The following JAK1 variants were observed in gnomAD, a reference collection of about 807,000 sequenced individuals.
JAK1 encodes the protein tyrosine-protein kinase JAK1.
A neutral mutation model predicts 136.6 loss-of-function variants in JAK1; 16 were observed. The observed-to-expected ratio is 0.12, with a 90% CI of 0.08 to 0.18. JAK1 has a LOEUF of 0.18. JAK1 is among the 10% of genes least tolerant of loss of function. The pLI, the probability that JAK1 is intolerant of heterozygous loss-of-function variation, is 1.00. For synonymous variants in JAK1, 492 were observed against 519.5 expected (o/e 0.95, Z 0.72); for missense variants, 859 against 1,450.1 (o/e 0.59, Z 6.62).
At chr1:65,012,464 T>A (rs1022610339) in intron 2 of JAK1, among the ~76,000 whole-genome samples, 15 of 152,116 alleles carry the variant, frequency 9.9e-5, no homozygotes, top group Non-Finnish European at 2.2e-4. Flanking sequence ...AATATTAAAA[T>A]AATTATTAGA....
chr1:64,979,013 C>T (rs185491176), intron 2 of JAK1, among the ~76,000 whole-genome samples: 15 of 152,200 alleles, frequency 9.9e-5, no homozygotes, highest in African/African-American at 2.2e-4. Context: ...TTATTGGCCA[C>T]GAAATCATGT....
intron 1 of JAK1, among the ~76,000 whole-genome samples, chr1:64,959,148 T>C (rs576571330): frequency 1.3e-5 from 2 of 152,316 alleles, no homozygotes; most frequent in African/African-American, 4.8e-5. Flanking sequence ...ATGACATCAA[T>C]AGCGCTTTTC....
intron 2 of JAK1, among the ~76,000 whole-genome samples, chr1:65,018,742 G>A (rs980553606): frequency 9.9e-5 from 15 of 152,190 alleles, no homozygotes; most frequent in African/African-American, 3.6e-4. Context: ...CGGGCCCGGC[G>A]GCTCACGCCT....
chr1:64,913,713 G>GAAGGAAGGAAGGAAAGA (rs1557686935), intron 1 of JAK1, among the ~76,000 whole-genome samples: 3 of 27,660 alleles, frequency 1.1e-4, no homozygotes, highest in African/African-American at 3.1e-4. Context: ...AGAAGGGAGG[G>GAAGGAAGGAAGGAAAGA]AGGGAGGGAG....
intron 1 of JAK1, among the ~76,000 whole-genome samples, chr1:64,945,294 T>C (rs997536970): frequency 1.3e-5 from 2 of 152,066 alleles, no homozygotes; most frequent in Admixed American, 6.5e-5. Flanking sequence ...TGGGGAGCAA[T>C]TGAGAATATT....
intron 1 of JAK1, among the ~76,000 whole-genome samples, chr1:64,950,912 T>C (rs2100574149): frequency 6.6e-6 from 1 of 152,364 alleles, no homozygotes; most frequent in African/African-American, 2.4e-5. Flanking sequence ...TTAAACACTC[T>C]GATTCCTTTA....
intron 2 of JAK1, among the ~76,000 whole-genome samples, chr1:65,034,508 T>C (rs1239159862): frequency 6.6e-6 from 1 of 152,212 alleles, no homozygotes; most frequent in Non-Finnish European, 1.5e-5. Context: ...ATTAATTTAA[T>C]GGAAAGATTT....
At chr1:65,051,265 G>A (rs512794) in intron 1 of JAK1, among the ~76,000 whole-genome samples, 2 of 151,456 alleles carry the variant, frequency 1.3e-5, no homozygotes, top group African/African-American at 4.9e-5. Context: ...TATTACACTA[G>A]ACTTTTAAAA....
rs888128968 is a variant in JAK1, at chr1:64,933,482, A to T, written c.-78+32851T>A. Reference sequence around the variant, plus strand: ...CTGAGGGACTTGCACAACACTGCCAAAAAGCAGGATTCCAAAAGGCCTTTC... The same window carrying T: ...CTGAGGGACTTGCACAACACTGCCATAAAGCAGGATTCCAAAAGGCCTTTC... On this transcript the variant is annotated intron_variant, in intron 1 of 24. Transcript: ENST00000342505. 3.3e-5 allele frequency among the ~76,000 whole-genome samples: 5 copies of T among 152,212 alleles called. No homozygotes were observed. In the South Asian group the frequency reaches 1.0e-3, roughly 32 times the overall value.
chr1:64,895,655 G>A (rs565740129), intron 1 of JAK1, among the ~76,000 whole-genome samples: 2 of 152,160 alleles, frequency 1.3e-5, no homozygotes, highest in African/African-American at 2.4e-5. Flanking sequence ...CATATGCACA[G>A]TCTTCATTTC....
chr1:64,880,330 T>C (rs1169826235), intron 3 of JAK1, among the ~76,000 whole-genome samples: 2 of 152,230 alleles, frequency 1.3e-5, no homozygotes, highest in Admixed American at 1.3e-4. Flanking sequence ...CTTGGGAACA[T>C]AGGCAAATGG....
At chr1:64,873,330 T>A in intron 5 of JAK1, 40 bp downstream of exon 5, 1 of 1,612,368 alleles carries the variant, frequency 6.2e-7, no homozygotes. Context: ...GCCTCTCCCA[T>A]CCCACAAACT....
At chr1:65,041,252 G>C (rs1241455423) in intron 2 of JAK1, among the ~76,000 whole-genome samples, 2 of 152,182 alleles carry the variant, frequency 1.3e-5, no homozygotes, top group African/African-American at 2.4e-5. Flanking sequence ...AGTGTTGAAG[G>C]GGGAAGGGCT....
intron 1 of JAK1, among the ~76,000 whole-genome samples, chr1:64,899,620 C>T (rs763588679): frequency 6.6e-6 from 1 of 152,134 alleles, no homozygotes; most frequent in Non-Finnish European, 1.5e-5. Flanking sequence ...GAAGGAAATG[C>T]TCATTGGAGG....
chr1:64,872,999 C>A (rs555279776), intron 5 of JAK1, among the ~76,000 whole-genome samples: 1 of 152,202 alleles, frequency 6.6e-6, no homozygotes, highest in South Asian at 2.1e-4. Context: ...GACATTACTA[C>A]GGCTGCTGAG....
At chr1:65,033,128 GCCCCC>G (rs1000316274) in intron 2 of JAK1, among the ~76,000 whole-genome samples, 5 of 152,012 alleles carry the variant, frequency 3.3e-5, no homozygotes, top group Non-Finnish European at 7.4e-5. Flanking sequence ...CAAGGAAAAG[GCCCCC>G]ACCCTGGGGA....
chr1:64,852,320 T>A (rs1045917767), intron 11 of JAK1, among the ~76,000 whole-genome samples: 1 of 152,192 alleles, frequency 6.6e-6, no homozygotes, highest in Non-Finnish European at 1.5e-5. Flanking sequence ...AAGTCAGAGA[T>A]GCTCTCGTCT....
At chr1:64,839,070 C>T (rs563915055) in intron 20 of JAK1, among the ~76,000 whole-genome samples, 8 of 142,072 alleles carry the variant, frequency 5.6e-5, no homozygotes, top group South Asian at 4.5e-4. Flanking sequence ...GGCGTGAACC[C>T]GGGAGGCGGA....
At chr1:65,052,005 G>A (rs1230981312) in intron 1 of JAK1, among the ~76,000 whole-genome samples, 1 of 152,116 alleles carries the variant, frequency 6.6e-6, no homozygotes, top group Non-Finnish European at 1.5e-5. Flanking sequence ...ACCCAGGCTG[G>A]AGTGCAGTGG....
Sources: gnomAD v4.1 joint callset for allele counts (sites outside exome capture counted in the v4.1 genomes callset) on GRCh38, gnomAD v4.1.1 for gene constraint, MANE v1.5 for transcripts, NCBI Gene and HGNC (gene_info 2026-07-23, HGNC 2026-07-21) for gene names.